BCR: variants seen among roughly 807,000 people sequenced by gnomAD.
BCR encodes the protein BCR activator of RhoGEF and GTPase, also known as breakpoint cluster region protein.
In BCR, 58 loss-of-function variants were observed where a neutral mutation model predicts 138.6. The observed-to-expected ratio is 0.42, with a 90% confidence interval of 0.34 to 0.52. BCR has a LOEUF of 0.52. Ranked by LOEUF, BCR falls within the 20% of genes least tolerant of loss-of-function variation. BCR has a pLI of 0.06. For synonymous variants in BCR, 786 were observed against 730.1 expected (o/e 1.08, Z -1.23); for missense variants, 1,599 against 1,727.2 (o/e 0.93, Z 1.32).
chr22:23,292,555 C>T lies in BCR; in HGVS notation c.2797C>T (p.Leu933=). 6.2e-7 allele frequency: 1 copy of T among 1,613,398 alleles called. No individual in the cohort carries two copies. Among genetic ancestry groups the T allele is most frequent in the Non-Finnish European group, 8.5e-7 (1 of 1,179,502 alleles). Residue 933 remains leucine, a synonymous_variant, in exon 15 of 23, where the codon CTG becomes TTG. Coordinates refer to ENST00000305877, the MANE Select transcript of BCR (RefSeq NM_004327.4). ...FKQSSNLYCT[L]EVDSFGYFVN... ...TCTCCCCACAGATCTGTACTGCACC[C>T]TGGAGGTGGATTCCTTTGGGTATTT...
At chr22:23,279,473 T>C (rs1268163506) in intron 8 of BCR, among the ~76,000 whole-genome samples, 3 of 152,184 alleles carry the variant, frequency 2.0e-5, no homozygotes, top group African/African-American at 7.2e-5. Context: ...ACAGGGCCAC[T>C]GACAGGCAGT....
intron 16 of BCR, among the ~76,000 whole-genome samples, chr22:23,308,977 G>A (rs892439697): frequency 9.9e-5 from 15 of 152,208 alleles, no homozygotes; most frequent in South Asian, 4.1e-4. Flanking sequence ...GGCTCCTCCC[G>A]CCACAAGCTG....
At chr22:23,273,229 G>T (rs1006150588) in intron 7 of BCR, 96 bp downstream of exon 7, 4 of 1,362,706 alleles carry the variant, frequency 2.9e-6, no homozygotes, top group Non-Finnish European at 4.1e-6. Context: ...TGTCATAGCT[G>T]CAGCCAAGGG....
At chr22:23,197,677 G>A (rs965351015) in intron 1 of BCR, among the ~76,000 whole-genome samples, 7 of 152,054 alleles carry the variant, frequency 4.6e-5, no homozygotes, top group Non-Finnish European at 8.8e-5. Context: ...TGCTTTCTTT[G>A]AGGATGATAG....
chr22:23,257,056 A>G (rs1175002565), intron 2 of BCR, among the ~76,000 whole-genome samples: 2 of 151,750 alleles, frequency 1.3e-5, no homozygotes, highest in Non-Finnish European at 1.5e-5. Context: ...GTCCTTTCCC[A>G]TAACTGGCAC....
chr22:23,299,971 C>T (rs913577937), intron 16 of BCR, among the ~76,000 whole-genome samples: 1 of 152,154 alleles, frequency 6.6e-6, no homozygotes, highest in Non-Finnish European at 1.5e-5. Flanking sequence ...GCCTTTTTAT[C>T]TTAGCCAGAA....
At chr22:23,262,732 C>T (rs1255153163) in intron 4 of BCR, 7 of 842,118 alleles carry the variant, frequency 8.3e-6, no homozygotes, top group African/African-American at 5.6e-5. Flanking sequence ...AGGGCGGGGG[C>T]GGAGAGGCGA....
chr22:23,202,770 A>C (rs1362490865), intron 1 of BCR, among the ~76,000 whole-genome samples: 1 of 116,952 alleles, frequency 8.6e-6, no homozygotes, highest in African/African-American at 3.4e-5. Context: ...TATTTAATCT[A>C]TCATTCATTG....
intron 14 of BCR, 36 bp downstream of exon 14, chr22:23,290,449 C>G (rs5759683): frequency 6.3e-7 from 1 of 1,597,070 alleles, no homozygotes; most frequent in East Asian, 2.2e-5. Flanking sequence ...TTGCAGCGGC[C>G]GAGCCAGGGT....
At chr22:23,209,785 C>T (rs1028684892) in intron 1 of BCR, among the ~76,000 whole-genome samples, 5 of 151,950 alleles carry the variant, frequency 3.3e-5, no homozygotes, top group African/African-American at 9.7e-5. Flanking sequence ...CCTTGTGATC[C>T]GCGCCCAGCC....
intron 1 of BCR, among the ~76,000 whole-genome samples, chr22:23,190,937 C>CT (rs899657983): frequency 1.7e-4 from 26 of 151,174 alleles, no homozygotes; most frequent in South Asian, 4.2e-4. Context: ...AATTTATTAC[C>CT]TTTTTTTTTA....
rs542945571 is a variant in BCR, at chr22:23,186,029, G to A, written c.1279+3790G>A. On this transcript the variant is annotated intron_variant, in intron 1 of 22. Coordinates refer to ENST00000305877, the MANE Select transcript of BCR (RefSeq NM_004327.4). ...CAGGCGTGAGCCACCCGCGCAAGGC[G>A]GATAGTGTGGTTCTTGCGATCTGGG... 1.4e-4 allele frequency among the ~76,000 whole-genome samples: 21 copies of A among 152,304 alleles called. No individual in the cohort carries two copies. The East Asian group carries it at 1.9e-3, about 14-fold the overall frequency.
rs1331336621 is a variant in BCR, at chr22:23,273,629, G to T, written c.1975-5G>T. ...GTCTAACTCAAGTCTTTCTTCCTGG[G>T]GCAGGACTTGCTGAAGCACACTCCT... On this transcript the variant is annotated splice_polypyrimidine_tract_variant and splice_region_variant and intron_variant, in intron 7 of 22. Transcript: ENST00000305877. 1.9e-6 allele frequency: 3 copies of T among 1,613,354 alleles called. No homozygotes were observed. Among genetic ancestry groups the T allele is most frequent in the Non-Finnish European group, 2.5e-6 (3 of 1,180,010 alleles).
At chr22:23,223,566 C>T (rs1288290102) in intron 1 of BCR, among the ~76,000 whole-genome samples, 2 of 152,186 alleles carry the variant, frequency 1.3e-5, no homozygotes, top group African/African-American at 2.4e-5. Flanking sequence ...TATCAGCCCC[C>T]CTATTCTGGC....
At position 23,313,995 on chromosome 22, in the gene BCR, G is replaced by A; in HGVS notation, c.3485G>A (p.Ser1162Asn). 6.2e-7 allele frequency: 1 copy of A among 1,614,024 alleles called. No homozygotes were observed. The highest frequency in any genetic ancestry group is 8.5e-7 in the Non-Finnish European group (1 of 1,180,018). ...CTTTCAGACCCGGTTGCAAAGGAGA[G>A]CTGCATGCTCAACCTGCTGCTGTCC... Reference protein sequence around the residue: ...IALSDPVAKESCMLNLLLSLP... With the variant: ...IALSDPVAKENCMLNLLLSLP... Residue 1162 changes from serine (S) to asparagine (N), a missense_variant, in exon 21 of 23, where the codon AGC becomes AAC. By Grantham distance (46) the Ser-to-Asn change is conservative. Around this residue, in one of 4 missense-constraint regions of BCR, gnomAD observed 177 missense variants for 226.4 expected, o/e 0.78. Coordinates refer to ENST00000305877, the MANE Select transcript of BCR (RefSeq NM_004327.4).
At chr22:23,240,243 A>G (rs937310356) in intron 1 of BCR, among the ~76,000 whole-genome samples, 6 of 151,904 alleles carry the variant, frequency 3.9e-5, no homozygotes, top group African/African-American at 1.5e-4. Context: ...AGGGAACACA[A>G]TTTAGCCCCT....
chr22:23,271,976 C>T (rs934491885), intron 6 of BCR, among the ~76,000 whole-genome samples: 12 of 152,162 alleles, frequency 7.9e-5, no homozygotes, highest in Admixed American at 2.6e-4. Context: ...CAGGCACACA[C>T]CACCACAGCC....
rs115902502 is a variant in BCR, at chr22:23,275,487, G to A, written c.2115+1713G>A. 3.1e-3 allele frequency among the ~76,000 whole-genome samples: 476 copies of A among 152,358 alleles called. 1 individual carries two copies. The highest frequency in any genetic ancestry group is 0.011 in the African/African-American group (449 of 41,588). On this transcript the variant is annotated intron_variant, in intron 8 of 22. Coordinates refer to ENST00000305877, the MANE Select transcript of BCR (RefSeq NM_004327.4). ...GTCTCTGAGCGCATTGAAGGCGGAA[G>A]TGGGTCCCCGGCACCTTCCAGTGGA...
At chr22:23,202,861 GT>G (rs68082217) in intron 1 of BCR, among the ~76,000 whole-genome samples, 60,311 of 149,198 alleles carry the variant, frequency 0.4, 13,220 homozygotes, top group East Asian at 0.9. Context: ...TTTTTGTGGG[GT>G]TTTTTTTTTG....
Sources: gnomAD v4.1 joint callset for allele counts (sites outside exome capture counted in the v4.1 genomes callset) on GRCh38, gnomAD v4.1.1 for gene constraint, gnomAD v4.1.1 regional missense constraint, MANE v1.5 for transcripts, NCBI Gene and HGNC (gene_info 2026-07-23, HGNC 2026-07-21) for gene names.